ATP1A3: variants seen among roughly 807,000 people sequenced by gnomAD.
The protein encoded by ATP1A3 is sodium/potassium-transporting ATPase subunit alpha-3.
ATP1A3 carries 12 observed loss-of-function variants against 108.8 expected under a neutral mutation model. The ratio of observed to expected loss-of-function variants is 0.11; its 90% CI spans 0.07 to 0.18. ATP1A3 has a LOEUF of 0.18. ATP1A3 is among the 10% of genes least tolerant of loss of function. ATP1A3 has a pLI of 1.00. For missense variants in ATP1A3, 498 were observed against 1,387.7 expected (o/e 0.36, Z 10.19); for synonymous variants, 539 against 564.5 (o/e 0.95, Z 0.64).
At chr19:41,983,117 G>A (rs1276522747) in intron 8 of ATP1A3, among the ~76,000 whole-genome samples, 2 of 151,200 alleles carry the variant, frequency 1.3e-5, no homozygotes, top group South Asian at 2.1e-4. Context: ...TTGCTCTGTC[G>A]TCCAGGCTGG....
Position 41,985,530 on chromosome 19 carries a change from A to G in ATP1A3, c.607-107T>C. On this transcript the variant is annotated intron_variant, in intron 6 of 22. Coordinates refer to ENST00000648268, the MANE Select transcript of ATP1A3 (RefSeq NM_152296.5). This position sits in a 1 kb window ranked among gnomAD's most constrained non-coding sequence, Gnocchi z 8.2. ...GCCTGTGTGCCTGGAGATCACAGCT[A>G]GAAGCCTGGGTGCCCAGTGGGTGAG... 8.5e-7 allele frequency: 1 copy of G among 1,175,314 alleles called. No homozygotes were observed. Among genetic ancestry groups the G allele is most frequent in the Non-Finnish European group, 1.3e-6 (1 of 791,128 alleles). The allele number at this position is 1,175,314 out of a possible 1,614,324, so 72.8% of individuals were successfully genotyped here.
chr19:41,978,784 C>T lies in ATP1A3; in HGVS notation c.1452G>A (p.Glu484=). Residue 484 remains glutamate, a synonymous_variant, in exon 12 of 23, where the codon GAG becomes GAA. Transcript: ENST00000648268. The surrounding 1 kb of genome is among the most constrained non-coding windows in gnomAD (Gnocchi z 8.3). The part of the protein sequence containing the change: ...STNKYQLSIH[E]TEDPNDNRYL... The stretch of plus-strand genomic sequence containing the variant: ...ATCGGTTGTCGTTGGGGTCCTCGGT[C>T]TCATGGATGGAGAGCTGGGGACCGA... The T allele has an allele frequency of 1.9e-6, 3 of 1,613,962 alleles. No individual in the cohort carries two copies. The highest frequency in any genetic ancestry group is 1.7e-6 in the Non-Finnish European group (2 of 1,179,962).
chr19:41,970,162 A>G (rs1555859477), intron 18 of ATP1A3, 23 bp downstream of exon 18: 2 of 1,614,178 alleles, frequency 1.2e-6, no homozygotes, highest in Non-Finnish European at 8.5e-7. Context: ...GGTGGTAAGG[A>G]GATGGAGTCC....
Position 41,994,119 on chromosome 19 carries a change from G to GACCTCGGGGCGGGC in ATP1A3, c.-57_-44dup, listed in dbSNP as rs1365235879. The GACCTCGGGGCGGGC allele has an allele frequency of 9.6e-6, 15 of 1,555,678 alleles. No homozygotes were observed. The highest frequency in any genetic ancestry group is 3.7e-5 in the Admixed American group (2 of 53,436). ...GAGAGAGCCAGGCGGGCGGGGCGGG[G>GACCTCGGGGCGGGC]ACCTCGGGGCGGGCTCAGGCTCAGG... On this transcript the variant is annotated 5_prime_UTR_variant, in exon 1 of 23. Transcript: ENST00000648268.
In ATP1A3 at chr19:41,968,988, C is replaced by T. The variant is rs1282337748; in HGVS notation, c.2689-73G>A. ...AGCCCTAGCCGCCACCCCGACGTTC[C>T]GGTGCTCTTTGCCCCGCCCCATCCT... is the stretch of plus-strand genomic sequence containing the variant. On this transcript the variant is annotated intron_variant, in intron 19 of 22. Coordinates refer to ENST00000648268, the MANE Select transcript of ATP1A3 (RefSeq NM_152296.5). This position sits in a 1 kb window ranked among gnomAD's most constrained non-coding sequence, Gnocchi z 5.0. 31 of 1,606,722 alleles carry T rather than the reference C, an allele frequency of 1.9e-5. 1 individual carries two copies. The highest frequency in any genetic ancestry group is 9.9e-5 in the South Asian group (9 of 90,646).
chr19:41,974,609 A>G (rs781831018), intron 16 of ATP1A3, among the ~76,000 whole-genome samples: 28 of 152,242 alleles, frequency 1.8e-4, no homozygotes, highest in Non-Finnish European at 3.2e-4. Flanking sequence ...TACACCAGAG[A>G]CATTTCAAAT....
chr19:41,994,094 G>T lies in ATP1A3; in HGVS notation c.-18C>A. On this transcript the variant is annotated 5_prime_UTR_variant, in exon 1 of 23. Coordinates refer to ENST00000648268, the MANE Select transcript of ATP1A3 (RefSeq NM_152296.5). ...ACCCCCATCTTGGCGGCTCCGCGGC[G>T]AGAGAGCCAGGCGGGCGGGGCGGGG... 1 of 1,591,242 alleles carries T rather than the reference G, an allele frequency of 6.3e-7. No homozygotes were observed. The highest frequency in any genetic ancestry group is 1.1e-5 in the South Asian group (1 of 88,114).
chr19:41,976,586 C>A lies in ATP1A3; in HGVS notation c.1944-20G>T, dbSNP rs200665663. On this transcript the variant is annotated intron_variant, in intron 14 of 22. Coordinates refer to ENST00000648268, the MANE Select transcript of ATP1A3 (RefSeq NM_152296.5). ...GCATCCCTGGGAAGAGCAGAGAGAG[C>A]GATGGCTGAGGTCAGGGTGTGTGAG... 3.5e-4 allele frequency: 571 copies of A among 1,613,174 alleles called. 2 individuals carry two copies. In the African/African-American group the frequency reaches 7.1e-3, roughly 20 times the overall value.
chr19:41,974,443 C>A (rs554377430), intron 16 of ATP1A3, among the ~76,000 whole-genome samples: 1 of 152,102 alleles, frequency 6.6e-6, no homozygotes, highest in African/African-American at 2.4e-5. Flanking sequence ...ACTCTATCCC[C>A]GCCCCCAGCC....
In ATP1A3 at chr19:41,968,570, G is replaced by T. The variant is rs1272988257; in HGVS notation, c.2819+215C>A. 6.6e-6 allele frequency among the ~76,000 whole-genome samples: 1 copy of T among 152,156 alleles called. No individual in the cohort carries two copies. The highest frequency in any genetic ancestry group is 1.9e-4 in the East Asian group (1 of 5,194). ...GCACACCTGTAGTCTCAGCTACTCA[G>T]GAGGCTGAGGTGGGTGGGTCACTTG... On this transcript the variant is annotated intron_variant, in intron 20 of 22. Transcript: ENST00000648268. This position sits in a 1 kb window ranked among gnomAD's most constrained non-coding sequence, Gnocchi z 5.0.
chr19:41,982,819 G>A (rs538105492), intron 8 of ATP1A3, among the ~76,000 whole-genome samples: 6 of 152,300 alleles, frequency 3.9e-5, no homozygotes, highest in East Asian at 3.9e-4. Context: ...GAATTATTCC[G>A]TTAATAGGAA....
chr19:41,985,193 G>T lies in ATP1A3; in HGVS notation c.725-7C>A. 6.2e-7 allele frequency: 1 copy of T among 1,613,822 alleles called. No homozygotes were observed. The highest frequency in any genetic ancestry group is 1.1e-5 in the South Asian group (1 of 91,058). On this transcript the variant is annotated splice_region_variant and splice_polypyrimidine_tract_variant and intron_variant, in intron 7 of 22. Coordinates refer to ENST00000648268, the MANE Select transcript of ATP1A3 (RefSeq NM_152296.5). The surrounding 1 kb of genome is among the most constrained non-coding windows in gnomAD (Gnocchi z 8.2). ...ACCACGCCCCGAGCCGTGCCTGCAG[G>T]CCAGAGGGGTTAGGCTGAGGTGGGG...
intron 16 of ATP1A3, among the ~76,000 whole-genome samples, chr19:41,973,250 T>C (rs896931930): frequency 1.3e-5 from 2 of 152,018 alleles, no homozygotes; most frequent in African/African-American, 4.8e-5. Flanking sequence ...CCGTTGGAAG[T>C]TATTTTGTTT....
chr19:41,966,640 G>T lies in ATP1A3; in HGVS notation c.*297C>A. 6.7e-7 allele frequency: 1 copy of T among 1,502,954 alleles called. No individual in the cohort carries two copies. The highest frequency in any genetic ancestry group is 9.0e-7 in the Non-Finnish European group (1 of 1,116,600). The allele number at this position is 1,502,954 out of a possible 1,614,324, so 93.1% of individuals were successfully genotyped here. A position where few individuals can be genotyped will look rare whatever the true frequency, so the allele number is the denominator to read the frequency against. ...CCAGAACCAGAGATGGCATCAGCCG[G>T]GGGGCTGAAGGGGAGTAAAAAAGAG... On this transcript the variant is annotated 3_prime_UTR_variant, in exon 23 of 23. Coordinates refer to ENST00000648268, the MANE Select transcript of ATP1A3 (RefSeq NM_152296.5).
intron 4 of ATP1A3, 146 bp downstream of exon 4, chr19:41,987,790 G>T: frequency 9.0e-7 from 1 of 1,112,412 alleles, no homozygotes; most frequent in Non-Finnish European, 1.3e-6. Context: ...TATTTGATCT[G>T]GTTCTCTTGC....
chr19:41,966,721 A>C lies in ATP1A3; in HGVS notation c.*216T>G. The C allele has an allele frequency of 6.5e-7, 1 of 1,537,546 alleles. No individual in the cohort carries two copies. Among genetic ancestry groups the C allele is most frequent in the Non-Finnish European group, 8.8e-7 (1 of 1,138,574 alleles). ...GATAGAGGGGTGAGGAGAGGGAGAG[A>C]AACTGACACAGAAAAGAGAGAGGAG... On this transcript the variant is annotated 3_prime_UTR_variant, in exon 23 of 23. Transcript: ENST00000648268.
At position 41,978,273 on chromosome 19, in the gene ATP1A3, C is replaced by T; in HGVS notation, c.1684G>A (p.Asp562Asn). The T allele has an allele frequency of 6.2e-7, 1 of 1,612,880 alleles. No homozygotes were observed. Among genetic ancestry groups the T allele is most frequent in the Non-Finnish European group, 8.5e-7 (1 of 1,179,526 alleles). ...EEQFPKGFAF[D>N]CDDVNFTTDN... ...GTGGTGAAGTTCACGTCATCACAGT[C>T]GAAGGCAAAGCCCTTGGGGAACTGC... Residue 562 changes from aspartate to asparagine, a missense_variant, in exon 13 of 23, where the codon GAC (aspartate) becomes AAC (asparagine). Asp to Asn is a conservative substitution (Grantham distance 23). Transcript: ENST00000648268. The surrounding 1 kb of genome is among the most constrained non-coding windows in gnomAD (Gnocchi z 8.3).
Position 41,970,558 on chromosome 19 carries a change from GC to G in ATP1A3, c.2264-17del. On this transcript the variant is annotated splice_polypyrimidine_tract_variant and intron_variant, in intron 16 of 22. Transcript: ENST00000648268. The stretch of plus-strand genomic sequence containing the variant: ...ATCAGGCGGCCTGTGGCACAGGCAG[GC>G]TCAGAGCAGGCGCCCATGCCAGGGA... 6.2e-7 allele frequency: 1 copy of G among 1,613,766 alleles called. No individual in the cohort carries two copies. The highest frequency in any genetic ancestry group is 8.5e-7 in the Non-Finnish European group (1 of 1,179,908).
Position 41,988,740 on chromosome 19 carries a change from T to A in ATP1A3, c.7-178A>T. The A allele has an allele frequency of 7.7e-7, 1 of 1,302,006 alleles. No homozygotes were observed. The highest frequency in any genetic ancestry group is 1.0e-6 in the Non-Finnish European group (1 of 964,082). 80.7% of individuals were successfully genotyped at this position (1,302,006 alleles called of 1,614,324 possible). On this transcript the variant is annotated intron_variant, in intron 1 of 22. Coordinates refer to ENST00000648268, the MANE Select transcript of ATP1A3 (RefSeq NM_152296.5). This position sits in a 1 kb window ranked among gnomAD's most constrained non-coding sequence, Gnocchi z 5.3. Reference sequence around the variant, plus strand: ...CCCTGTGTCTCCCGGAGCCTCTGGGTGACTTCACCTCCCTTCTGCCTCTGG... The same window carrying A: ...CCCTGTGTCTCCCGGAGCCTCTGGGAGACTTCACCTCCCTTCTGCCTCTGG...
Sources: allele counts gnomAD v4.1 joint callset (sites outside exome capture counted in the v4.1 genomes callset), GRCh38; gene constraint gnomAD v4.1.1; non-coding constraint Gnocchi (gnomAD v3.1); transcripts MANE v1.5; gene names NCBI Gene and HGNC (gene_info 2026-07-23, HGNC 2026-07-21).